The following NRP2 variants were observed in gnomAD, a reference collection of about 807,000 sequenced individuals.
The protein encoded by NRP2 is neuropilin-2.
Under a neutral mutation model 110.4 loss-of-function variants are expected in NRP2, and 52 were observed. That is an observed-to-expected ratio of 0.47 (90% CI 0.38 to 0.59). The LOEUF (loss-of-function observed/expected upper bound fraction) is 0.59, where lower values mean the gene tolerates loss of function less well. Ranked by LOEUF, NRP2 falls within the 20% of genes least tolerant of loss-of-function variation. The pLI is 0.00. For synonymous variants in NRP2, 508 were observed against 468.9 expected, an observed-to-expected ratio of 1.08 and a Z score of -1.08; for missense variants, 1,049 against 1,203.0, an observed-to-expected ratio of 0.87 and a Z score of 1.89.
At chr2:205,714,208 T>C (rs1352912040) in intron 2 of NRP2, among the ~76,000 whole-genome samples, 1 of 152,172 alleles carries the variant, frequency 6.6e-6, no homozygotes, top group East Asian at 1.9e-4. Flanking sequence ...TATCCCTACT[T>C]TACTCTTTTT....
At chr2:205,722,223 C>A in intron 3 of NRP2, 1 of 532,166 alleles carries the variant, frequency 1.9e-6, no homozygotes. Context: ...TTCTCTGTAC[C>A]TCCACCCCAC....
In NRP2 at chr2:205,745,878, T is replaced by A. The variant is rs756503711; in HGVS notation, c.1774T>A (p.Cys592Ser). ...TGGGATGCGGCTGGAGGTGCTGGGCTGTGACTGGACAGGTAAGATGACATT... is the reference window on the plus strand; with the variant it reads ...TGGGATGCGGCTGGAGGTGCTGGGCAGTGACTGGACAGGTAAGATGACATT... ...GIGMRLEVLGCDWTDSKPTVE... is the reference protein window; with the variant it reads ...GIGMRLEVLGSDWTDSKPTVE... Residue 592 changes from cysteine to serine, a missense_variant, in exon 10 of 17, where the codon TGT becomes AGT. Physicochemically the swap from Cys to Ser is moderately radical, Grantham distance 112 (BLOSUM62 -1). Coordinates refer to ENST00000357785, the MANE Select transcript of NRP2 (RefSeq NM_003872.3). 1.9e-6 allele frequency: 3 copies of A among 1,614,180 alleles called. No homozygotes were observed. The highest frequency in any genetic ancestry group is 1.7e-5 in the Admixed American group (1 of 60,030).
chr2:205,732,532 G>A (rs959571164), intron 7 of NRP2, among the ~76,000 whole-genome samples: 1 of 152,344 alleles, frequency 6.6e-6, no homozygotes, highest in Middle Eastern at 3.4e-3. Context: ...TTTCCACCCA[G>A]TCCAAATGGA....
intron 15 of NRP2, among the ~76,000 whole-genome samples, chr2:205,775,951 C>A (rs1395592831): frequency 6.6e-6 from 1 of 152,162 alleles, no homozygotes; most frequent in African/African-American, 2.4e-5. Flanking sequence ...TTGGTTGAAT[C>A]CCATACTTAC....
Position 205,749,756 on chromosome 2 carries a change from C to A in NRP2, c.1818C>A (p.Pro606=), listed in dbSNP as rs2057608010. ...AGCCCACGGTAGAGACGCTGGGACC[C>A]ACTGTGAAGAGCGAAGAGACAACCA... The part of the protein sequence containing the change: ...DSKPTVETLG[P]TVKSEETTTP... Residue 606 remains proline (P), a synonymous_variant, in exon 11 of 17, where the codon CCC becomes CCA. Transcript: ENST00000357785. 1.9e-6 allele frequency: 3 copies of A among 1,614,174 alleles called. No individual in the cohort carries two copies. In the East Asian group the frequency reaches 6.7e-5, roughly 36 times the overall value.
intron 15 of NRP2, among the ~76,000 whole-genome samples, chr2:205,771,496 T>A (rs765785093): frequency 3.3e-5 from 5 of 152,232 alleles, no homozygotes; most frequent in African/African-American, 4.8e-5. Flanking sequence ...TGACATGCAA[T>A]GAGCCTTTTT....
chr2:205,695,777 G>T (rs965065647), intron 1 of NRP2, among the ~76,000 whole-genome samples: 1 of 152,178 alleles, frequency 6.6e-6, no homozygotes, highest in Non-Finnish European at 1.5e-5. Flanking sequence ...TATTTCATGT[G>T]CATAAGCCAG....
At chr2:205,700,600 C>T in intron 2 of NRP2, 1 of 421,940 alleles carries the variant, frequency 2.4e-6, no homozygotes, top group South Asian at 1.8e-5. Context: ...GCCCTTGGCT[C>T]CCTGTATACC....
At chr2:205,693,596 A>T (rs2056358865) in intron 1 of NRP2, among the ~76,000 whole-genome samples, 1 of 152,236 alleles carries the variant, frequency 6.6e-6, no homozygotes, top group African/African-American at 2.4e-5. Flanking sequence ...CATTCTTTGA[A>T]TTACAGTTTG....
At chr2:205,742,490 C>T (rs1474135398) in intron 8 of NRP2, among the ~76,000 whole-genome samples, 1 of 152,190 alleles carries the variant, frequency 6.6e-6, no homozygotes, top group African/African-American at 2.4e-5. Flanking sequence ...AATTTGGGAA[C>T]AGCTTTTCTG....
chr2:205,793,079 G>A (rs1041307750), intron 16 of NRP2, among the ~76,000 whole-genome samples: 4 of 152,192 alleles, frequency 2.6e-5, no homozygotes, highest in Admixed American at 6.5e-5. Context: ...TATAGAAACT[G>A]GAGTGACTAA....
chr2:205,714,000 C>G (rs1348433067), intron 2 of NRP2, among the ~76,000 whole-genome samples: 3 of 152,204 alleles, frequency 2.0e-5, no homozygotes, highest in Non-Finnish European at 1.5e-5. Context: ...CACCTCTGCT[C>G]ATTTGTTCCA....
At chr2:205,790,006 T>G (rs181727224) in intron 15 of NRP2, among the ~76,000 whole-genome samples, 1 of 152,356 alleles carries the variant, frequency 6.6e-6, no homozygotes, top group East Asian at 1.9e-4. Flanking sequence ...CTTTAAGGCT[T>G]GGTGAACAGA....
intron 2 of NRP2, among the ~76,000 whole-genome samples, chr2:205,703,165 G>T (rs1434259569): frequency 6.6e-6 from 1 of 152,224 alleles, no homozygotes; most frequent in East Asian, 1.9e-4. Context: ...CTGAATCTGT[G>T]TTGGAAGGCA....
intron 15 of NRP2, among the ~76,000 whole-genome samples, chr2:205,773,680 G>T (rs2058056553): frequency 6.6e-6 from 1 of 152,096 alleles, no homozygotes; most frequent in African/African-American, 2.4e-5. Context: ...CCCTAACATT[G>T]TCTCTTATCG....
Position 205,798,019 on chromosome 2 carries a change from GC to G in NRP2, c.*2962del, listed in dbSNP as rs2058364890. The G allele has an allele frequency of 6.6e-6, 1 of 152,560 alleles. No homozygotes were observed. Among genetic ancestry groups the G allele is most frequent in the African/African-American group, 2.4e-5 (1 of 41,438 alleles). 9.5% of individuals were successfully genotyped at this position (152,560 alleles called of 1,614,324 possible). ...TGAGCCAGATCACGGGAACTTGAGA[GC>G]TTTTACTGTGATTCTTCAATGTAAA... On this transcript the variant is annotated 3_prime_UTR_variant, in exon 17 of 17. Transcript: ENST00000357785.
At chr2:205,753,952 G>C (rs1559349559) in intron 12 of NRP2, among the ~76,000 whole-genome samples, 1 of 152,074 alleles carries the variant, frequency 6.6e-6, no homozygotes, top group Non-Finnish European at 1.5e-5. Flanking sequence ...TGAGTTTTGA[G>C]GATTTGTTAC....
At chr2:205,757,274 A>C (rs1266739031) in intron 12 of NRP2, among the ~76,000 whole-genome samples, 1 of 152,216 alleles carries the variant, frequency 6.6e-6, no homozygotes, top group African/African-American at 2.4e-5. Context: ...GAGAATCTTA[A>C]TGTTATAAAA....
At chr2:205,784,707 C>A (rs2058216869) in intron 15 of NRP2, among the ~76,000 whole-genome samples, 1 of 152,188 alleles carries the variant, frequency 6.6e-6, no homozygotes, top group African/African-American at 2.4e-5. Context: ...GCCTTTGTGC[C>A]AGGTGCAGTT....
Sources: allele counts gnomAD v4.1 joint callset (sites outside exome capture counted in the v4.1 genomes callset), GRCh38; gene constraint gnomAD v4.1.1; transcripts MANE v1.5; gene names NCBI Gene and HGNC (gene_info 2026-07-23, HGNC 2026-07-21).